The following DOCK2 variants were observed in gnomAD, a reference collection of about 807,000 sequenced individuals.
DOCK2 encodes dedicator of cytokinesis 2, also known as dedicator of cytokinesis protein 2.
A neutral mutation model predicts 248.9 loss-of-function variants in DOCK2; 87 were observed. The observed-to-expected ratio is 0.35, with a 90% CI of 0.29 to 0.42. The LOEUF (loss-of-function observed/expected upper bound fraction) is 0.42. DOCK2 is among the 10% of genes least tolerant of loss of function. DOCK2 has a pLI of 1.00. For missense variants in DOCK2, 1,747 were observed against 2,300.2 expected, an observed-to-expected ratio of 0.76 and a Z score of 4.92; for synonymous variants, 805 against 821.6, an observed-to-expected ratio of 0.98 and a Z score of 0.35.
At chr5:169,833,695 AC>A (rs1361476968) in intron 26 of DOCK2, among the ~76,000 whole-genome samples, 21 of 152,164 alleles carry the variant, frequency 1.4e-4, no homozygotes. Context: ...GGGCAGTGAT[AC>A]CTTACTCAAA....
chr5:169,884,092 T>A (rs1335709780), intron 27 of DOCK2: 3 of 432,164 alleles, frequency 6.9e-6, no homozygotes, highest in African/African-American at 6.0e-5. Flanking sequence ...GAACTATCTG[T>A]AATGCTTTCC....
intron 14 of DOCK2, 151 bp downstream of exon 14, chr5:169,702,578 G>C (rs369806589): frequency 9.1e-7 from 1 of 1,097,894 alleles, no homozygotes; most frequent in African/African-American, 1.6e-5. Context: ...TTTTGAGCTT[G>C]GTTAGTGCAG....
intron 27 of DOCK2, among the ~76,000 whole-genome samples, chr5:169,850,306 G>A (rs752311505): frequency 5.9e-5 from 9 of 152,192 alleles, no homozygotes; most frequent in Non-Finnish European, 1.3e-4. Flanking sequence ...GCCTGGGAAG[G>A]AGGAAGCTAG....
intron 27 of DOCK2, among the ~76,000 whole-genome samples, chr5:169,909,351 T>A (rs1336907713): frequency 6.6e-6 from 1 of 152,216 alleles, no homozygotes; most frequent in Non-Finnish European, 1.5e-5. Context: ...TAGCACTGGA[T>A]CAGAGTGATT....
chr5:170,027,085 TCAGA>T (rs917491528), intron 33 of DOCK2, among the ~76,000 whole-genome samples: 3 of 152,030 alleles, frequency 2.0e-5, no homozygotes, highest in African/African-American at 7.2e-5. Flanking sequence ...GGTGTAATTC[TCAGA>T]CAGACTCGTT....
rs150332665 is a variant in DOCK2 at position 169,795,807 on chromosome 5, T to C, written c.2555-7251T>C. On this transcript the variant is annotated intron_variant, in intron 25 of 51. Coordinates refer to ENST00000520908, the MANE Select transcript of DOCK2 (RefSeq NM_004946.3). ...CAGAGCAGAGCTGGATTTACACTGG[T>C]CAGCCCTGCCTGGGAGAATTTTGGG... 2.7e-3 allele frequency among the ~76,000 whole-genome samples: 405 copies of C among 152,228 alleles called. 2 individuals carry two copies. Among genetic ancestry groups the C allele is most frequent in the African/African-American group, 9.2e-3 (381 of 41,530 alleles).
chr5:170,062,577 C>A (rs7710970), intron 44 of DOCK2, among the ~76,000 whole-genome samples: 37,034 of 151,854 alleles, frequency 0.24, 5,108 homozygotes, highest in African/African-American at 0.37. Context: ...CATATACTAC[C>A]CTAATTCTAA....
chr5:169,850,440 G>A (rs1257324561), intron 27 of DOCK2, among the ~76,000 whole-genome samples: 5 of 152,098 alleles, frequency 3.3e-5, no homozygotes, highest in Admixed American at 3.3e-4. Flanking sequence ...TCCTGAAAGT[G>A]TATGTGCAAG....
At chr5:169,900,512 T>G (rs1773863469) in intron 27 of DOCK2, among the ~76,000 whole-genome samples, 1 of 152,188 alleles carries the variant, frequency 6.6e-6, no homozygotes, top group South Asian at 2.1e-4. Context: ...AAACAGATCT[T>G]CTGGAGTGAT....
intron 37 of DOCK2, 83 bp downstream of exon 37, chr5:170,041,228 A>G: frequency 1.6e-6 from 2 of 1,287,414 alleles, no homozygotes; most frequent in South Asian, 1.2e-5. Context: ...AAAAGAAAAA[A>G]AAGAAAAAGA....
intron 22 of DOCK2, among the ~76,000 whole-genome samples, chr5:169,746,661 A>G (rs1763631570): frequency 6.6e-6 from 1 of 152,200 alleles, no homozygotes; most frequent in Non-Finnish European, 1.5e-5. Context: ...AGGGGTTGAT[A>G]ACAGGCAGGT....
chr5:169,719,366 T>C (rs1295064359), intron 22 of DOCK2, among the ~76,000 whole-genome samples: 2 of 152,238 alleles, frequency 1.3e-5, no homozygotes, highest in African/African-American at 4.8e-5. Context: ...GAACAATTCA[T>C]GTTCATCTTG....
At chr5:169,941,035 G>T (rs1461183571) in intron 27 of DOCK2, among the ~76,000 whole-genome samples, 1 of 152,212 alleles carries the variant, frequency 6.6e-6, no homozygotes, top group Non-Finnish European at 1.5e-5. Context: ...CTGCCCTCAT[G>T]AAGTGTGCTT....
intron 27 of DOCK2, among the ~76,000 whole-genome samples, chr5:169,906,820 A>G (rs1407227523): frequency 1.3e-5 from 2 of 152,212 alleles, no homozygotes; most frequent in Non-Finnish European, 2.9e-5. Flanking sequence ...GAAAGTCTAT[A>G]GGGAAATTAG....
chr5:169,780,882 C>CT (rs1765677146), intron 25 of DOCK2, among the ~76,000 whole-genome samples: 1 of 152,160 alleles, frequency 6.6e-6, no homozygotes, highest in Non-Finnish European at 1.5e-5. Flanking sequence ...AAAATATCAC[C>CT]ATAAAATATC....
intron 27 of DOCK2, among the ~76,000 whole-genome samples, chr5:169,979,193 TTC>T (rs1423954817): frequency 3.9e-5 from 6 of 152,188 alleles, no homozygotes; most frequent in Non-Finnish European, 7.3e-5. Flanking sequence ...TTTTCCAGGT[TTC>T]TGACAGGGCT....
chr5:170,075,715 C>T (rs1757816650), intron 46 of DOCK2: 1 of 507,846 alleles, frequency 2.0e-6, no homozygotes. Context: ...TCCAGCCCTC[C>T]TATGAGGCAA....
intron 32 of DOCK2, 58 bp downstream of exon 32, chr5:170,008,804 A>G: frequency 1.2e-6 from 2 of 1,604,502 alleles, no homozygotes; most frequent in Non-Finnish European, 1.7e-6. Flanking sequence ...TCCTTCTTAA[A>G]GACCATCTGT....
At chr5:169,866,380 G>T (rs1404488441) in intron 27 of DOCK2, among the ~76,000 whole-genome samples, 1 of 152,234 alleles carries the variant, frequency 6.6e-6, no homozygotes, top group African/African-American at 2.4e-5. Context: ...TCTTGGGGAA[G>T]TCATTTCCCA....
Sources: gnomAD v4.1 joint callset for allele counts (sites outside exome capture counted in the v4.1 genomes callset) on GRCh38, gnomAD v4.1.1 for gene constraint, MANE v1.5 for transcripts, NCBI Gene and HGNC (gene_info 2026-07-23, HGNC 2026-07-21) for gene names.